Variants in OPHN1 observed in about 807,000 individuals in gnomAD.
OPHN1 encodes the protein oligophrenin-1.
OPHN1 carries 11 observed loss-of-function variants against 60.7 expected under a neutral mutation model. The observed-to-expected ratio is 0.18, with a 90% CI of 0.11 to 0.30. The LOEUF (loss-of-function observed/expected upper bound fraction) is 0.30, where lower values mean the gene tolerates loss of function less well. Ranked by LOEUF, OPHN1 falls within the 10% of genes least tolerant of loss-of-function variation. OPHN1 has a pLI of 1.00. For missense variants in OPHN1, 449 were observed against 611.0 expected (o/e 0.73, Z 2.80); for synonymous variants, 226 against 222.6 (o/e 1.02, Z -0.14).
rs1419376687 is a variant in OPHN1, at chrX:68,274,718, T to C, written c.384+20A>G. 8.0e-6 allele frequency: 9 copies of C among 1,118,730 alleles called. No individual in the cohort carries two copies. Among genetic ancestry groups the C allele is most frequent in the Non-Finnish European group, 8.6e-6 (7 of 812,271 alleles). The allele number at this position is 1,118,730 out of a possible 1,213,427, so 92.2% of individuals were successfully genotyped here. ...TCGATTGCTATTTTAAAAAATCTTA[T>C]GCATATACAGAAAATGTACCTTGGT... On this transcript the variant is annotated intron_variant, in intron 5 of 24. Transcript: ENST00000355520.
chrX:68,056,547 T>C (rs2076873880), intron 21 of OPHN1, among the ~76,000 whole-genome samples: 1 of 111,418 alleles, frequency 9.0e-6, no homozygotes, highest in Admixed American at 9.6e-5. Flanking sequence ...GTTCTGGACA[T>C]GTCATTCCCC....
chrX:68,304,175 A>G (rs2147634943), intron 2 of OPHN1, among the ~76,000 whole-genome samples: 1 of 111,700 alleles, frequency 9.0e-6, no homozygotes, highest in African/African-American at 3.2e-5. Flanking sequence ...GAAATATCAC[A>G]CTGTATCCCA....
chrX:68,297,662 C>T (rs1477675079), intron 3 of OPHN1, among the ~76,000 whole-genome samples: 1 of 110,829 alleles, frequency 9.0e-6, no homozygotes, highest in Admixed American at 9.7e-5. Context: ...TGAATGTATC[C>T]ATTACTCATT....
chrX:68,200,162 G>A (rs1488816858), intron 11 of OPHN1, among the ~76,000 whole-genome samples: 1 of 111,605 alleles, frequency 9.0e-6, no homozygotes, highest in Admixed American at 9.6e-5. Flanking sequence ...ATATATGTGG[G>A]TCTCAGTTTC....
chrX:68,208,748 T>A (rs1417495886), intron 9 of OPHN1, among the ~76,000 whole-genome samples: 1 of 111,914 alleles, frequency 8.9e-6, no homozygotes, highest in African/African-American at 3.3e-5. Flanking sequence ...TAGGGGTAAT[T>A]TGGCCTCCCA....
At chrX:68,202,007 G>A (rs2077537253) in intron 10 of OPHN1, among the ~76,000 whole-genome samples, 1 of 111,905 alleles carries the variant, frequency 8.9e-6, no homozygotes, top group Admixed American at 9.5e-5. Context: ...TGTAAGGGGA[G>A]TGTAGGAGAA....
intron 18 of OPHN1, among the ~76,000 whole-genome samples, chrX:68,105,764 A>C (rs2147419269): frequency 9.1e-6 from 1 of 109,630 alleles, no homozygotes; most frequent in African/African-American, 3.3e-5. Flanking sequence ...TATGTAACAA[A>C]CCTGCACGTT....
chrX:68,161,606 GA>G (rs755867836), intron 15 of OPHN1, among the ~76,000 whole-genome samples: 132 of 110,557 alleles, frequency 1.2e-3, no homozygotes, highest in African/African-American at 4.1e-3. Context: ...TAGTACAAAG[GA>G]ACAATCTTTA....
At chrX:68,236,983 G>C (rs1192734195) in intron 5 of OPHN1, among the ~76,000 whole-genome samples, 2 of 111,981 alleles carry the variant, frequency 1.8e-5, no homozygotes, top group Non-Finnish European at 3.8e-5. Context: ...TTTGTAGTAA[G>C]TTTTCTTTTG....
chrX:68,349,154 C>G (rs2078393390), intron 2 of OPHN1, among the ~76,000 whole-genome samples: 1 of 110,249 alleles, frequency 9.1e-6, no homozygotes, highest in Non-Finnish European at 1.9e-5. Flanking sequence ...GCAATCTATC[C>G]ATCTGACAAA....
At chrX:68,080,085 T>C (rs367977201) in intron 19 of OPHN1, among the ~76,000 whole-genome samples, 3 of 111,871 alleles carry the variant, frequency 2.7e-5, no homozygotes, top group East Asian at 2.8e-4. Context: ...TCTAATCTAA[T>C]TGTGTTACTC....
intron 18 of OPHN1, among the ~76,000 whole-genome samples, chrX:68,101,808 A>G (rs2077060257): frequency 8.9e-6 from 1 of 112,593 alleles, no homozygotes; most frequent in African/African-American, 3.2e-5. Flanking sequence ...AGTAAGGTGA[A>G]TCAACCAATC....
At chrX:68,426,103 A>G (rs191501413) in intron 2 of OPHN1, among the ~76,000 whole-genome samples, 2,511 of 109,776 alleles carry the variant, frequency 0.023, 76 homozygotes, top group African/African-American at 0.079. Context: ...AAGTGCTGGG[A>G]TTACAGGCGT....
At chrX:68,335,560 C>T (rs765538300) in intron 2 of OPHN1, among the ~76,000 whole-genome samples, 31 of 112,061 alleles carry the variant, frequency 2.8e-4, no homozygotes, top group Non-Finnish European at 5.1e-4. Context: ...CGAAATCTAT[C>T]CACAGTGTCA....
At chrX:68,385,851 G>C (rs925253496) in intron 2 of OPHN1, among the ~76,000 whole-genome samples, 2 of 111,848 alleles carry the variant, frequency 1.8e-5, no homozygotes, top group East Asian at 5.6e-4. Context: ...TCTGAGTTAG[G>C]GGCAAGTAAA....
intron 15 of OPHN1, among the ~76,000 whole-genome samples, chrX:68,152,454 C>CTT (rs376464615): frequency 3.9e-5 from 4 of 101,703 alleles, no homozygotes; most frequent in African/African-American, 1.5e-4. Context: ...TTTTTTTATT[C>CTT]TTTTTTTTTT....
chrX:68,064,830 C>G (rs1219452038), intron 20 of OPHN1, among the ~76,000 whole-genome samples: 1 of 111,551 alleles, frequency 9.0e-6, no homozygotes, highest in East Asian at 2.8e-4. Flanking sequence ...ATTCACAGAG[C>G]CTTCTGAAGC....
At chrX:68,216,870 C>T (rs1382028311) in intron 6 of OPHN1, among the ~76,000 whole-genome samples, 1 of 112,004 alleles carries the variant, frequency 8.9e-6, no homozygotes, top group African/African-American at 3.2e-5. Context: ...TGGCCAATAA[C>T]ATGAAAAAAT....
chrX:68,152,271 C>T (rs1224537378), intron 15 of OPHN1, among the ~76,000 whole-genome samples: 1 of 110,444 alleles, frequency 9.1e-6, no homozygotes, highest in Admixed American at 9.6e-5. Flanking sequence ...CATACAAACA[C>T]GTCCTTCTCT....
Sources: gnomAD v4.1 joint callset for allele counts (sites outside exome capture counted in the v4.1 genomes callset) on GRCh38, gnomAD v4.1.1 for gene constraint, MANE v1.5 for transcripts, NCBI Gene and HGNC (gene_info 2026-07-23, HGNC 2026-07-21) for gene names.